The following VEGFC variants were observed in gnomAD, a reference collection of about 807,000 sequenced individuals.
VEGFC encodes FLT4 ligand DHM.
Under a neutral mutation model 46.1 loss-of-function variants are expected in VEGFC, and 12 were observed. That is an observed-to-expected ratio of 0.26 (90% confidence interval 0.17 to 0.42). The LOEUF is 0.42. Among genes scored for constraint, VEGFC ranks in the 10% least tolerant of loss-of-function variants. The pLI is 1.00. For missense variants in VEGFC, 488 were observed against 529.4 expected, an observed-to-expected ratio of 0.92 and a Z score of 0.77; for synonymous variants, 232 against 195.5, an observed-to-expected ratio of 1.19 and a Z score of -1.56.
intron 1 of VEGFC, among the ~76,000 whole-genome samples, chr4:176,791,864 G>A (rs987569982): frequency 6.6e-5 from 10 of 152,090 alleles, no homozygotes; most frequent in Non-Finnish European, 1.3e-4. Flanking sequence ...CCGCTGACTG[G>A]GCAGGGTTCA....
intron 1 of VEGFC, among the ~76,000 whole-genome samples, chr4:176,735,786 T>C (rs76048496): frequency 6.6e-6 from 1 of 151,980 alleles, no homozygotes; most frequent in African/African-American, 2.4e-5. Flanking sequence ...TGCCAGCTGC[T>C]TCAAAGAGGT....
chr4:176,687,741 A>G, intron 5 of VEGFC, 80 bp downstream of exon 5: 2 of 1,098,068 alleles, frequency 1.8e-6, no homozygotes, highest in Non-Finnish European at 2.7e-6. Context: ...TGAATATTAT[A>G]TGTGTGGTTT....
chr4:176,784,624 G>A (rs1014032020), intron 1 of VEGFC, among the ~76,000 whole-genome samples: 3 of 151,124 alleles, frequency 2.0e-5, no homozygotes, highest in African/African-American at 4.9e-5. Flanking sequence ...GTGGTGGTGG[G>A]CACCTGTAGT....
At chr4:176,751,993 T>A (rs1735350407) in intron 1 of VEGFC, among the ~76,000 whole-genome samples, 1 of 151,964 alleles carries the variant, frequency 6.6e-6, no homozygotes, top group Admixed American at 6.6e-5. Flanking sequence ...AATGGATAAA[T>A]TTCATATTTC....
intron 3 of VEGFC, among the ~76,000 whole-genome samples, chr4:176,718,662 G>A (rs996036976): frequency 8.6e-5 from 13 of 151,994 alleles, no homozygotes; most frequent in African/African-American, 2.7e-4. Context: ...CTTTAGTCTG[G>A]CACTAATGAA....
intron 1 of VEGFC, among the ~76,000 whole-genome samples, chr4:176,778,253 C>T (rs17063744): frequency 0.11 from 16,660 of 152,100 alleles, 2,270 homozygotes; most frequent in African/African-American, 0.32. Context: ...AATGCAGTTT[C>T]CTCACAATAG....
At chr4:176,720,539 C>T (rs769462313) in intron 3 of VEGFC, among the ~76,000 whole-genome samples, 7 of 152,006 alleles carry the variant, frequency 4.6e-5, no homozygotes, top group Non-Finnish European at 4.4e-5. Context: ...TTCATGGAGT[C>T]TAGAACCTAT....
chr4:176,776,755 G>A (rs375114864), intron 1 of VEGFC, among the ~76,000 whole-genome samples: 8 of 152,166 alleles, frequency 5.3e-5, no homozygotes, highest in African/African-American at 1.9e-4. Context: ...AAGATTTATG[G>A]CAAAAATAGA....
At chr4:176,737,794 G>C (rs1239812240) in intron 1 of VEGFC, among the ~76,000 whole-genome samples, 1 of 151,452 alleles carries the variant, frequency 6.6e-6, no homozygotes, top group Non-Finnish European at 1.5e-5. Flanking sequence ...TTACAAATTG[G>C]GTTTAAAATA....
chr4:176,729,064 C>T (rs911737137), intron 2 of VEGFC, among the ~76,000 whole-genome samples: 2 of 152,116 alleles, frequency 1.3e-5, no homozygotes, highest in Admixed American at 1.3e-4. Flanking sequence ...AAGCTTTATG[C>T]TAGATACCTC....
chr4:176,705,043 T>C (rs1560940209), intron 4 of VEGFC, among the ~76,000 whole-genome samples: 2 of 152,228 alleles, frequency 1.3e-5, no homozygotes, highest in African/African-American at 4.8e-5. Flanking sequence ...AAGTACAGCA[T>C]AGTGTTTTAG....
intron 3 of VEGFC, among the ~76,000 whole-genome samples, chr4:176,720,248 C>T (rs1734761008): frequency 6.6e-6 from 1 of 152,072 alleles, no homozygotes; most frequent in Non-Finnish European, 1.5e-5. Flanking sequence ...TTAATAAGCA[C>T]ACCAGGCTTC....
At chr4:176,714,544 C>G (rs1734667015) in intron 3 of VEGFC, among the ~76,000 whole-genome samples, 1 of 152,200 alleles carries the variant, frequency 6.6e-6, no homozygotes, top group African/African-American at 2.4e-5. Flanking sequence ...GGCATTGTCT[C>G]CAGTGAAACC....
intron 4 of VEGFC, among the ~76,000 whole-genome samples, chr4:176,704,366 C>T (rs1332971364): frequency 6.6e-6 from 1 of 152,110 alleles, no homozygotes; most frequent in Non-Finnish European, 1.5e-5. Context: ...ACAAATATTA[C>T]AAGCACTCAA....
In VEGFC at chr4:176,788,384, C is replaced by T. The variant is rs56224752; in HGVS notation, c.147+3781G>A. ...CCTAACTGCAAAGTCACACGCAGTGCTTTTCTCTGCCTTCCTGCACGCTGC... is the reference window on the plus strand; with the variant it reads ...CCTAACTGCAAAGTCACACGCAGTGTTTTTCTCTGCCTTCCTGCACGCTGC... On this transcript the variant is annotated intron_variant, in intron 1 of 6. Coordinates refer to ENST00000618562, the MANE Select transcript of VEGFC (RefSeq NM_005429.5). Among the ~76,000 whole-genome samples the T allele has an allele frequency of 9.2e-3, 1,408 of 152,320 alleles. 23 individuals are homozygous for T. The highest frequency in any genetic ancestry group is 0.032 in the African/African-American group (1,322 of 41,570).
chr4:176,772,568 C>T (rs142734125), intron 1 of VEGFC, among the ~76,000 whole-genome samples: 137 of 152,288 alleles, frequency 9.0e-4, no homozygotes, highest in African/African-American at 3.1e-3. Flanking sequence ...CCTGCTACAG[C>T]GTGAATGTGT....
At chr4:176,791,225 G>C (rs1019502923) in intron 1 of VEGFC, among the ~76,000 whole-genome samples, 1 of 152,098 alleles carries the variant, frequency 6.6e-6, no homozygotes, top group Admixed American at 6.5e-5. Context: ...TATAGTTCCA[G>C]CAAGGGGTAC....
In VEGFC at chr4:176,735,471, AAAG is replaced by A. The variant is rs369279623; in HGVS notation, c.148-5728_148-5726del. Among the ~76,000 whole-genome samples, 401 of 152,076 alleles carry A rather than the reference AAAG, an allele frequency of 2.6e-3. 1 individual carries two copies. The highest frequency in any genetic ancestry group is 9.0e-3 in the African/African-American group (374 of 41,540). ...CTATTCACACATAAAACAGGAAAGA[AAAG>A]AAGAAGACAAAAAAATTACTAGTGG... On this transcript the variant is annotated intron_variant, in intron 1 of 6. Coordinates refer to ENST00000618562, the MANE Select transcript of VEGFC (RefSeq NM_005429.5).
chr4:176,709,396 T>C (rs772332355), intron 4 of VEGFC, among the ~76,000 whole-genome samples: 1 of 152,206 alleles, frequency 6.6e-6, no homozygotes, highest in Non-Finnish European at 1.5e-5. Flanking sequence ...ACTCTCATAA[T>C]CCAGTTCCAC....
Sources: gnomAD v4.1 joint callset for allele counts (sites outside exome capture counted in the v4.1 genomes callset) on GRCh38, gnomAD v4.1.1 for gene constraint, MANE v1.5 for transcripts, NCBI Gene and HGNC (gene_info 2026-07-23, HGNC 2026-07-21) for gene names.